Variants in JAK1 observed in about 807,000 individuals in gnomAD.
JAK1 encodes tyrosine-protein kinase JAK1.
A neutral mutation model predicts 136.6 loss-of-function variants in JAK1; 16 were observed. The ratio of observed to expected loss-of-function variants is 0.12; its 90% confidence interval spans 0.08 to 0.18. The LOEUF (loss-of-function observed/expected upper bound fraction) is 0.18. Ranked by LOEUF, JAK1 falls within the 10% of genes least tolerant of loss-of-function variation. The pLI, the probability that JAK1 is intolerant of heterozygous loss-of-function variation, is 1.00. For synonymous variants in JAK1, 492 were observed against 519.5 expected (o/e 0.95, Z 0.72); for missense variants, 859 against 1,450.1 (o/e 0.59, Z 6.62).
intron 2 of JAK1, among the ~76,000 whole-genome samples, chr1:64,983,671 A>C (rs1016725023): frequency 1.3e-5 from 2 of 152,222 alleles, no homozygotes; most frequent in Non-Finnish European, 2.9e-5. Context: ...TGTTTGGTCC[A>C]GTGAGAAGGA....
At chr1:64,840,010 G>C (rs1320251066) in intron 19 of JAK1, among the ~76,000 whole-genome samples, 1 of 152,214 alleles carries the variant, frequency 6.6e-6, no homozygotes, top group African/African-American at 2.4e-5. Flanking sequence ...ACTGAGCCAA[G>C]ACAAAGTAGC....
chr1:65,046,484 G>T (rs1647184293), intron 1 of JAK1, among the ~76,000 whole-genome samples: 1 of 152,162 alleles, frequency 6.6e-6, no homozygotes, highest in Non-Finnish European at 1.5e-5. Context: ...CATTCTTAAA[G>T]GGGAGGACTC....
intron 2 of JAK1, among the ~76,000 whole-genome samples, chr1:64,975,159 G>A (rs529865284): frequency 4.8e-4 from 73 of 152,106 alleles, no homozygotes; most frequent in Admixed American, 4.0e-3. Flanking sequence ...CTATTCACAG[G>A]AGTGATCATA....
chr1:64,857,629 C>G, intron 10 of JAK1, 27 bp downstream of exon 10: 1 of 1,613,168 alleles, frequency 6.2e-7, no homozygotes, highest in Non-Finnish European at 8.5e-7. Flanking sequence ...GCTGTATGGC[C>G]TGGTCCAAGC....
intron 1 of JAK1, among the ~76,000 whole-genome samples, chr1:64,918,202 C>T (rs1383866278): frequency 6.6e-6 from 1 of 152,118 alleles, no homozygotes; most frequent in Admixed American, 6.5e-5. Context: ...TCTTTCTTAA[C>T]CTGAATGGTG....
intron 1 of JAK1, among the ~76,000 whole-genome samples, chr1:64,895,165 T>C (rs1203326874): frequency 2.0e-5 from 3 of 152,222 alleles, no homozygotes; most frequent in Non-Finnish European, 4.4e-5. Flanking sequence ...CTGACAGCCA[T>C]GCTTAAAACA....
intron 2 of JAK1, chr1:64,985,721 C>T (rs953112360): frequency 1.3e-5 from 9 of 695,278 alleles, no homozygotes; most frequent in Non-Finnish European, 2.4e-5. Context: ...GGCCAATAAC[C>T]AAGTAGGCCA....
chr1:64,835,561 G>A (rs1654431119), intron 23 of JAK1, 55 bp from the exon 24 acceptor site: 1 of 1,033,550 alleles, frequency 9.7e-7, no homozygotes, highest in East Asian at 2.5e-5. Flanking sequence ...TTACATAAAT[G>A]CCAAACAGAT....
intron 2 of JAK1, among the ~76,000 whole-genome samples, chr1:65,004,591 A>T (rs1646788782): frequency 6.6e-6 from 1 of 152,010 alleles, no homozygotes; most frequent in Non-Finnish European, 1.5e-5. Context: ...TAGGCTGACC[A>T]ACTATACCAA....
intron 2 of JAK1, among the ~76,000 whole-genome samples, chr1:65,005,941 T>C (rs1646800592): frequency 6.6e-6 from 1 of 152,174 alleles, no homozygotes; most frequent in Non-Finnish European, 1.5e-5. Context: ...GTCATAATAA[T>C]TAAGATAAAT....
At chr1:64,839,465 C>T in intron 20 of JAK1, 138 bp downstream of exon 20, 2 of 708,926 alleles carry the variant, frequency 2.8e-6, no homozygotes, top group South Asian at 4.2e-5. Context: ...GACTTGGAAG[C>T]CTTGAGAGTG....
chr1:65,015,545 G>A (rs746497781), intron 2 of JAK1, among the ~76,000 whole-genome samples: 2 of 152,084 alleles, frequency 1.3e-5, no homozygotes, highest in East Asian at 1.9e-4. Flanking sequence ...AAAGCAAAAT[G>A]TAAAGTGATA....
At chr1:64,896,127 T>C (rs550880439) in intron 1 of JAK1, among the ~76,000 whole-genome samples, 14 of 152,358 alleles carry the variant, frequency 9.2e-5, no homozygotes, top group African/African-American at 3.4e-4. Context: ...CAGATGCAGT[T>C]ATTCTTTCTC....
In JAK1 at chr1:65,018,686, T is replaced by C. The variant is rs151203776; in HGVS notation, c.-78+25794A>G. On this transcript the variant is annotated intron_variant, in intron 2 of 25. Coordinates refer to the JAK1 transcript ENST00000671954. ...ACCTTATAAAGATATTTTAAAAACA[T>C]GAACATGATTCTGCTAAGAGAGCAT... 8.2e-3 allele frequency among the ~76,000 whole-genome samples: 1,248 copies of C among 152,212 alleles called. 16 individuals are homozygous for C. Among genetic ancestry groups the C allele is most frequent in the African/African-American group, 0.029 (1,195 of 41,542 alleles).
chr1:64,888,971 C>T (rs1005485368), intron 1 of JAK1, among the ~76,000 whole-genome samples: 63 of 152,302 alleles, frequency 4.1e-4, no homozygotes, highest in African/African-American at 1.5e-3. Context: ...GCACTTTAAA[C>T]CTAAGGCTGC....
chr1:64,842,768 T>C (rs1017411594), intron 17 of JAK1, among the ~76,000 whole-genome samples: 2 of 152,192 alleles, frequency 1.3e-5, no homozygotes, highest in African/African-American at 4.8e-5. Flanking sequence ...AAAATAAATA[T>C]GAATTTCCCA....
At chr1:64,851,986 A>C (rs904760736) in intron 11 of JAK1, among the ~76,000 whole-genome samples, 2 of 152,158 alleles carry the variant, frequency 1.3e-5, no homozygotes, top group Non-Finnish European at 2.9e-5. Context: ...GGCACAACCC[A>C]TGGAGGCCAC....
At chr1:65,004,899 C>G (rs1048659644) in intron 2 of JAK1, among the ~76,000 whole-genome samples, 1 of 152,182 alleles carries the variant, frequency 6.6e-6, no homozygotes, top group Non-Finnish European at 1.5e-5. Context: ...CTTCACTACC[C>G]TTTATTTCTG....
At chr1:64,909,855 C>A (rs944425590) in intron 1 of JAK1, among the ~76,000 whole-genome samples, 2 of 152,062 alleles carry the variant, frequency 1.3e-5, no homozygotes, top group African/African-American at 4.8e-5. Flanking sequence ...AAAAATAAGA[C>A]AGGCGCTTGC....
Sources: allele counts gnomAD v4.1 joint callset (sites outside exome capture counted in the v4.1 genomes callset), GRCh38; gene constraint gnomAD v4.1.1; transcripts MANE v1.5; gene names NCBI Gene and HGNC (gene_info 2026-07-23, HGNC 2026-07-21).